Variants in NINJ2 observed in about 807,000 individuals in gnomAD.
NINJ2 encodes ninjurin 2, also known as ninjurin-2.
In NINJ2, 12 loss-of-function variants were observed where a neutral mutation model predicts 11.7. That is an observed-to-expected ratio of 1.02 (90% CI 0.66 to 1.66). The LOEUF (loss-of-function observed/expected upper bound fraction) is 1.66, where lower values mean the gene tolerates loss of function less well. Ranked by LOEUF, NINJ2 falls within the 40% of genes most tolerant of loss-of-function variation. The pLI is 0.00. For missense variants in NINJ2, 187 were observed against 181.8 expected, an observed-to-expected ratio of 1.03 and a Z score of -0.16; for synonymous variants, 93 against 76.8, an observed-to-expected ratio of 1.21 and a Z score of -1.10.
intron 1 of NINJ2, among the ~76,000 whole-genome samples, chr12:622,518 G>C (rs1948166079): frequency 6.6e-6 from 1 of 150,928 alleles, no homozygotes; most frequent in Admixed American, 6.6e-5. Context: ...GACTCTATTT[G>C]TTTAAAGGCC....
intron 1 of NINJ2, among the ~76,000 whole-genome samples, chr12:649,620 A>G (rs1483739864): frequency 6.7e-6 from 1 of 149,034 alleles, no homozygotes; most frequent in African/African-American, 2.4e-5. Context: ...TTTTTAAACT[A>G]CAAGTTTTTT....
chr12:594,849 G>A (rs1174888745), intron 1 of NINJ2, among the ~76,000 whole-genome samples: 7 of 152,036 alleles, frequency 4.6e-5, no homozygotes, highest in African/African-American at 9.7e-5. Context: ...TACATAGAGA[G>A]GCAAAAGATG....
At chr12:612,361 A>C (rs187705712) in intron 1 of NINJ2, among the ~76,000 whole-genome samples, 2 of 152,132 alleles carry the variant, frequency 1.3e-5, no homozygotes, top group African/African-American at 4.8e-5. Flanking sequence ...CCCCAATTCC[A>C]CACACCTAGG....
rs1947370497 is a variant in NINJ2, at chr12:571,183, CAA to C, written c.34-5007_34-5006del. On this transcript the variant is annotated intron_variant, in intron 1 of 3. Coordinates refer to ENST00000305108, the MANE Select transcript of NINJ2 (RefSeq NM_016533.6). ...GTTGCCTGTGGGAAAGGCTGCCCAT[CAA>C]AATCTGGCCAACCAATGACACCTGG... Among the ~76,000 whole-genome samples, 3 of 152,206 alleles carry C rather than the reference CAA, an allele frequency of 2.0e-5. No individual in the cohort carries two copies. The South Asian group carries it at 6.2e-4, about 32-fold the overall frequency.
At chr12:660,165 G>A (rs1393960473) in intron 1 of NINJ2, among the ~76,000 whole-genome samples, 1 of 151,596 alleles carries the variant, frequency 6.6e-6, no homozygotes, top group Non-Finnish European at 1.5e-5. Flanking sequence ...GTGCACATGT[G>A]TGGTCCCAGC....
chr12:588,323 A>G (rs548951292), intron 1 of NINJ2, among the ~76,000 whole-genome samples: 1 of 152,330 alleles, frequency 6.6e-6, no homozygotes, highest in South Asian at 2.1e-4. Context: ...TTCTAATCTT[A>G]GAATGAGGAA....
intron 1 of NINJ2, among the ~76,000 whole-genome samples, chr12:588,312 T>C (rs1268783681): frequency 6.6e-6 from 1 of 151,970 alleles, no homozygotes; most frequent in African/African-American, 2.4e-5. Flanking sequence ...TGTGAATCTC[T>C]TTCTAATCTT....
chr12:637,501 C>A (rs1171112661), intron 1 of NINJ2, among the ~76,000 whole-genome samples: 2 of 151,420 alleles, frequency 1.3e-5, no homozygotes, highest in Non-Finnish European at 2.9e-5. Context: ...ATTAGCTGGG[C>A]ATGGTGGCAG....
chr12:595,871 G>A (rs930464140), intron 1 of NINJ2, among the ~76,000 whole-genome samples: 7 of 152,242 alleles, frequency 4.6e-5, no homozygotes, highest in African/African-American at 1.2e-4. Flanking sequence ...GGCCAAAGAC[G>A]TCTTCACAGA....
At chr12:609,035 C>T (rs1408375812) in intron 1 of NINJ2, among the ~76,000 whole-genome samples, 1 of 151,404 alleles carries the variant, frequency 6.6e-6, no homozygotes, top group Non-Finnish European at 1.5e-5. Flanking sequence ...GCTGTACGCA[C>T]GCACGGCGCC....
chr12:615,512 TG>T (rs1444297653), intron 1 of NINJ2, among the ~76,000 whole-genome samples: 1 of 152,050 alleles, frequency 6.6e-6, no homozygotes, highest in African/African-American at 2.4e-5. Flanking sequence ...TGCTTGAACC[TG>T]GGAGCCGGAG....
chr12:564,622 A>G lies in NINJ2; in HGVS notation c.*78T>C, dbSNP rs2245906. The G allele has an allele frequency of 0.17, 25,708 of 152,370 alleles. 3,111 individuals carry two copies. The highest frequency in any genetic ancestry group is 0.32 in the African/African-American group (13,421 of 41,516). The allele number at this position is 152,370 out of a possible 1,614,324, so 9.4% of individuals were successfully genotyped here. ...TTTCAGAAGCTCTCCTGGGCTGTGG[A>G]AAGTGCCCACGAGCCTGGCAGATCA... On this transcript the variant is annotated 3_prime_UTR_variant, in exon 4 of 4. Transcript: ENST00000305108.
Position 565,415 on chromosome 12 carries a change from G to C in NINJ2, c.263-14C>G, listed in dbSNP as rs1565615801. The C allele has an allele frequency of 1.9e-6, 3 of 1,612,740 alleles. No individual in the cohort carries two copies. The highest frequency in any genetic ancestry group is 2.5e-6 in the Non-Finnish European group (3 of 1,179,530). ...GGTTCAGCCGTGCTGCAGGGAAGTG[G>C]AGTGGGGGGAAAGGGTCAGAGACGG... On this transcript the variant is annotated splice_polypyrimidine_tract_variant and intron_variant, in intron 2 of 3. Transcript: ENST00000305108.
rs1948403373 is a variant in NINJ2, at chr12:640,350, A to C, written c.33+22978T>G. Reference sequence around the variant, plus strand: ...TGTGGCAACTGAAGCTTTAAAAAAAAGGTAGGCCTGCGGGCTCCTTGCCTG... The same window carrying C: ...TGTGGCAACTGAAGCTTTAAAAAAACGGTAGGCCTGCGGGCTCCTTGCCTG... On this transcript the variant is annotated intron_variant, in intron 1 of 3. Transcript: ENST00000305108. The surrounding 1 kb of genome is among the most constrained non-coding windows in gnomAD (Gnocchi z 4.0). Among the ~76,000 whole-genome samples the C allele has an allele frequency of 6.6e-6, 1 of 152,240 alleles. No homozygotes were observed. Among genetic ancestry groups the C allele is most frequent in the African/African-American group, 2.4e-5 (1 of 41,460 alleles).
intron 1 of NINJ2, among the ~76,000 whole-genome samples, chr12:613,254 G>T (rs1319535665): frequency 6.6e-6 from 1 of 152,204 alleles, no homozygotes; most frequent in Non-Finnish European, 1.5e-5. Context: ...AAATGAAAAT[G>T]TATCCTTTTC....
chr12:660,155 G>A lies in NINJ2; in HGVS notation c.33+3173C>T, dbSNP rs528014833. Among the ~76,000 whole-genome samples the A allele has an allele frequency of 4.5e-4, 68 of 151,878 alleles. 1 individual carries two copies. The highest frequency in any genetic ancestry group is 1.4e-3 in the African/African-American group (59 of 41,452). On this transcript the variant is annotated intron_variant, in intron 1 of 3. Coordinates refer to ENST00000305108, the MANE Select transcript of NINJ2 (RefSeq NM_016533.6). ...AAAAAAAAATTAGCTGGGCATGGTA[G>A]TGCACATGTGTGGTCCCAGCTATTT...
At chr12:608,149 T>G (rs564409005) in intron 1 of NINJ2, among the ~76,000 whole-genome samples, 7 of 152,204 alleles carry the variant, frequency 4.6e-5, no homozygotes, top group Non-Finnish European at 1.0e-4. Flanking sequence ...TACGTGGCAC[T>G]GTACTCAACC....
intron 1 of NINJ2, among the ~76,000 whole-genome samples, chr12:587,269 G>GC (rs1168600363): frequency 1.3e-5 from 2 of 152,160 alleles, no homozygotes; most frequent in South Asian, 4.1e-4. Context: ...CCAGGGTGAA[G>GC]CTGCCCCTCC....
intron 1 of NINJ2, among the ~76,000 whole-genome samples, chr12:646,900 C>T (rs1441770528): frequency 3.3e-5 from 5 of 151,240 alleles, no homozygotes; most frequent in Non-Finnish European, 1.5e-5. Context: ...TCTGGAGAGG[C>T]GCAGGGGTTT....
Sources: allele counts gnomAD v4.1 joint callset (sites outside exome capture counted in the v4.1 genomes callset), GRCh38; gene constraint gnomAD v4.1.1; non-coding constraint Gnocchi (gnomAD v3.1); transcripts MANE v1.5; gene names NCBI Gene and HGNC (gene_info 2026-07-23, HGNC 2026-07-21).